FNDC1: variants seen among roughly 807,000 people sequenced by gnomAD.
The protein encoded by FNDC1 is fibronectin type III domain containing 1.
In FNDC1, 96 loss-of-function variants were observed where a neutral mutation model predicts 168.0. The ratio of observed to expected loss-of-function variants is 0.57; its 90% CI spans 0.48 to 0.68. The LOEUF is 0.68. Among genes scored for constraint, FNDC1 ranks in the 30% least tolerant of loss-of-function variants. FNDC1 has a pLI of 0.00. For missense variants in FNDC1, 2,587 were observed against 2,482.1 expected (o/e 1.04, Z -0.90); for synonymous variants, 1,099 against 1,025.9 (o/e 1.07, Z -1.36).
chr6:159,211,062 C>A (rs1300110975), intron 4 of FNDC1, among the ~76,000 whole-genome samples: 3 of 152,152 alleles, frequency 2.0e-5, no homozygotes. Flanking sequence ...TGACCCCCAC[C>A]CCCGGCGTGC....
chr6:159,190,807 A>C (rs1411909265), intron 1 of FNDC1, among the ~76,000 whole-genome samples: 1 of 152,260 alleles, frequency 6.6e-6, no homozygotes, highest in Non-Finnish European at 1.5e-5. Context: ...TGGGGAAATG[A>C]AACTGAAACG....
At chr6:159,186,413 A>G (rs1035800133) in intron 1 of FNDC1, among the ~76,000 whole-genome samples, 1 of 152,230 alleles carries the variant, frequency 6.6e-6, no homozygotes, top group East Asian at 1.9e-4. Context: ...CTTCTGAATG[A>G]AAGGCTTAGT....
At chr6:159,255,058 G>A (rs767580261) in intron 17 of FNDC1, among the ~76,000 whole-genome samples, 14 of 152,066 alleles carry the variant, frequency 9.2e-5, no homozygotes, top group East Asian at 3.9e-4. Context: ...CAATCCATTC[G>A]GCATTCTGCA....
intron 1 of FNDC1, among the ~76,000 whole-genome samples, chr6:159,177,521 A>C (rs980779171): frequency 2.0e-5 from 3 of 152,088 alleles, no homozygotes; most frequent in Non-Finnish European, 4.4e-5. Flanking sequence ...CTCCCTAGCC[A>C]GGCAGGGGAG....
intron 4 of FNDC1, among the ~76,000 whole-genome samples, chr6:159,210,722 C>T (rs1393689159): frequency 1.3e-5 from 2 of 152,140 alleles, no homozygotes; most frequent in Non-Finnish European, 2.9e-5. Context: ...TTGGAGATGT[C>T]AGGCAGCACC....
intron 9 of FNDC1, 69 bp from the exon 10 acceptor site, chr6:159,229,746 A>G: frequency 2.1e-6 from 3 of 1,417,680 alleles, no homozygotes; most frequent in South Asian, 1.3e-5. Context: ...TCCTGCCCAT[A>G]CAGTCTGTCT....
chr6:159,229,758 C>T, intron 9 of FNDC1, 57 bp from the exon 10 acceptor site: 8 of 1,501,488 alleles, frequency 5.3e-6, no homozygotes, highest in South Asian at 2.5e-5. Context: ...AGTCTGTCTG[C>T]TGGACACAGG....
chr6:159,251,678 T>C, intron 17 of FNDC1, 146 bp downstream of exon 17: 1 of 702,432 alleles, frequency 1.4e-6, no homozygotes, highest in Non-Finnish European at 2.4e-6. Context: ...GATAGATGTC[T>C]TCCTTCAACT....
intron 5 of FNDC1, 64 bp from the exon 6 acceptor site, chr6:159,221,534 C>G (rs1782824792): frequency 7.6e-7 from 1 of 1,314,158 alleles, no homozygotes; most frequent in African/African-American, 1.4e-5. Flanking sequence ...CGCTCCAGCC[C>G]CAGGGGATGT....
At position 159,269,347 on chromosome 6, in the gene FNDC1, A is replaced by G. The variant is rs1777677371; in HGVS notation, c.5569+1421A>G. On this transcript the variant is annotated intron_variant, in intron 22 of 22. Coordinates refer to ENST00000297267, the MANE Select transcript of FNDC1 (RefSeq NM_032532.3). ...TAACTATCTATCTATCTATCTATCC[A>G]TTTGTTTATCTAGGTATCCATCCAT... is the stretch of plus-strand genomic sequence containing the variant. Among the ~76,000 whole-genome samples the G allele has an allele frequency of 2.0e-5, 2 of 98,032 alleles. 1 individual carries two copies. The highest frequency in any genetic ancestry group is 6.9e-4 in the South Asian group (2 of 2,912). 64.3% of individuals were successfully genotyped at this position (98,032 alleles called of 152,430 possible). A position where few individuals can be genotyped will look rare whatever the true frequency, so the allele number is the denominator to read the frequency against.
intron 1 of FNDC1, among the ~76,000 whole-genome samples, chr6:159,172,543 T>C (rs529479304): frequency 4.6e-5 from 7 of 152,334 alleles, no homozygotes; most frequent in Admixed American, 1.3e-4. Context: ...TATAAATGAA[T>C]GTGATTTGTA....
intron 21 of FNDC1, among the ~76,000 whole-genome samples, chr6:159,267,097 G>A (rs990396339): frequency 6.6e-6 from 1 of 151,952 alleles, no homozygotes; most frequent in African/African-American, 2.4e-5. Flanking sequence ...GGCATTTTTT[G>A]TTGTTTTTCT....
At chr6:159,249,206 A>G in intron 16 of FNDC1, 24 bp downstream of exon 16, 1 of 1,592,182 alleles carries the variant, frequency 6.3e-7, no homozygotes, top group Non-Finnish European at 8.5e-7. Flanking sequence ...CCTTAATCAG[A>G]GAAACATGGG....
Position 159,234,076 on chromosome 6 carries a change from T to C in FNDC1, c.3564T>C (p.Phe1188=), listed in dbSNP as rs1404011528. ...EDDEEEDAGF[F]KGGKEDLLSS... The stretch of plus-strand genomic sequence containing the variant: ...ACGAGGAGGAGGACGCGGGATTTTT[T>C]AAAGGCGGGAAAGAAGACCTTCTGT... Residue 1188 remains phenylalanine, a synonymous_variant, in exon 11 of 23, where the codon TTT becomes TTC. Transcript: ENST00000297267. 1 of 1,612,152 alleles carries C rather than the reference T, an allele frequency of 6.2e-7. No homozygotes were observed. The highest frequency in any genetic ancestry group is 1.7e-5 in the Admixed American group (1 of 59,880).
intron 1 of FNDC1, among the ~76,000 whole-genome samples, chr6:159,193,931 T>C (rs1782189587): frequency 6.6e-6 from 1 of 152,226 alleles, no homozygotes; most frequent in South Asian, 2.1e-4. Flanking sequence ...TTGCTGGGTA[T>C]CTGAACGGCC....
intron 17 of FNDC1, among the ~76,000 whole-genome samples, chr6:159,254,816 C>T (rs1339543816): frequency 6.6e-6 from 1 of 152,102 alleles, no homozygotes; most frequent in South Asian, 2.1e-4. Flanking sequence ...TCCCACTTTC[C>T]ACACATTTGC....
Position 159,238,625 on chromosome 6 carries a change from T to C in FNDC1, c.4140T>C (p.Pro1380=), listed in dbSNP as rs768920538. ...GRYLQDSHGN[P]LRIKLGGDGR... ...ACCTCCAAGATTCACATGGAAATCCTCTTCGGATTAAACTAGGAGGAGATG... is the reference window on the plus strand; with the variant it reads ...ACCTCCAAGATTCACATGGAAATCCCCTTCGGATTAAACTAGGAGGAGATG... The change falls in exon 13 of 23, where the codon CCT becomes CCC. Residue 1380 remains proline, a synonymous_variant. Coordinates refer to ENST00000297267, the MANE Select transcript of FNDC1 (RefSeq NM_032532.3). The C allele has an allele frequency of 8.7e-6, 14 of 1,610,330 alleles. No homozygotes were observed. Among genetic ancestry groups the C allele is most frequent in the Non-Finnish European group, 1.2e-5 (14 of 1,178,430 alleles).
rs545946401 is a variant in FNDC1, at chr6:159,239,729, A to G, written c.4393A>G (p.Thr1465Ala). ...TACGACGCCCCTGCCTACCACTACA[A>G]CCCCGAGGCCCACCACTGCCACCAC... ...TTTTPLPTTTTPRPTTATTRR... is the reference protein window; with the variant it reads ...TTTTPLPTTTAPRPTTATTRR... The change falls in exon 14 of 23, where the codon ACC becomes GCC. Residue 1465 changes from threonine (T) to alanine (A), a missense_variant. By Grantham distance (58) the Thr-to-Ala change is moderately conservative (BLOSUM62 0). Coordinates refer to ENST00000297267, the MANE Select transcript of FNDC1 (RefSeq NM_032532.3). 9.7e-6 allele frequency: 15 copies of G among 1,546,326 alleles called. No individual in the cohort carries two copies. The highest frequency in any genetic ancestry group is 7.2e-5 in the South Asian group (6 of 83,754).
intron 17 of FNDC1, among the ~76,000 whole-genome samples, chr6:159,255,663 T>C (rs1441251266): frequency 2.0e-5 from 3 of 152,186 alleles, no homozygotes; most frequent in Non-Finnish European, 4.4e-5. Flanking sequence ...TTTCCTCATG[T>C]GTCAAAATGA....
Sources: allele counts gnomAD v4.1 joint callset (sites outside exome capture counted in the v4.1 genomes callset), GRCh38; gene constraint gnomAD v4.1.1; transcripts MANE v1.5; gene names NCBI Gene and HGNC (gene_info 2026-07-23, HGNC 2026-07-21).